The following KDM2B variants were observed in gnomAD, a reference collection of about 807,000 sequenced individuals.
The protein encoded by KDM2B is lysine-specific demethylase 2B.
A neutral mutation model predicts 150.0 loss-of-function variants in KDM2B; 26 were observed. That is an observed-to-expected ratio of 0.17 (90% CI 0.13 to 0.24). The LOEUF is 0.24. Among genes scored for constraint, KDM2B ranks in the 10% least tolerant of loss-of-function variants. KDM2B has a pLI of 1.00. For synonymous variants in KDM2B, 734 were observed against 729.5 expected (o/e 1.01, Z -0.10); for missense variants, 1,265 against 1,816.9 (o/e 0.70, Z 5.52).
chr12:121,467,130 T>C lies in KDM2B; in HGVS notation c.1735-13786A>G. Reference sequence around the variant, plus strand: ...GTCGGGAGGTCGTGCGGCGGGTCCCTCCCTCAGCCCCACCCCGGGCCGCCG... The same window carrying C: ...GTCGGGAGGTCGTGCGGCGGGTCCCCCCCTCAGCCCCACCCCGGGCCGCCG... On this transcript the variant is annotated intron_variant, in intron 12 of 22. Coordinates refer to ENST00000377071, the MANE Select transcript of KDM2B (RefSeq NM_032590.5). This position sits in a 1 kb window ranked among gnomAD's most constrained non-coding sequence, Gnocchi z 5.1. The C allele has an allele frequency of 2.7e-6, 3 of 1,113,710 alleles. No homozygotes were observed. Among genetic ancestry groups the C allele is most frequent in the Non-Finnish European group, 2.2e-6 (2 of 893,902 alleles). The allele number at this position is 1,113,710 out of a possible 1,614,324, so 69.0% of individuals were successfully genotyped here. A position where few individuals can be genotyped will look rare whatever the true frequency, so the allele number is the denominator to read the frequency against.
chr12:121,545,317 C>T (rs1303203101), intron 6 of KDM2B, among the ~76,000 whole-genome samples: 1 of 151,942 alleles, frequency 6.6e-6, no homozygotes, highest in Non-Finnish European at 1.5e-5. Flanking sequence ...CTCTATTCGC[C>T]ACACAATTCG....
At chr12:121,510,772 A>G (rs1885516183) in intron 10 of KDM2B, among the ~76,000 whole-genome samples, 1 of 151,208 alleles carries the variant, frequency 6.6e-6, no homozygotes, top group Non-Finnish European at 1.5e-5. Context: ...CAACCTGGGC[A>G]ACAGAGCAAG....
At chr12:121,497,264 CT>C (rs1555301188) in intron 11 of KDM2B, among the ~76,000 whole-genome samples, 1 of 152,176 alleles carries the variant, frequency 6.6e-6, no homozygotes, top group African/African-American at 2.4e-5. Flanking sequence ...CACATAATGA[CT>C]AACCTAGAGT....
intron 12 of KDM2B, among the ~76,000 whole-genome samples, chr12:121,462,524 C>T (rs889615070): frequency 5.3e-5 from 8 of 150,664 alleles, no homozygotes; most frequent in African/African-American, 1.7e-4. Context: ...GACGGAGTCT[C>T]GTACTGTTGC....
At chr12:121,441,261 C>A (rs201096641) in intron 19 of KDM2B, 28 bp from the exon 20 acceptor site, 28 of 1,608,184 alleles carry the variant, frequency 1.7e-5, no homozygotes, top group Non-Finnish European at 2.3e-5. Context: ...GGGGACACAT[C>A]GTCAGAGGTG....
chr12:121,534,348 CAAAAAA>C, intron 7 of KDM2B, 143 bp downstream of exon 7: 1 of 484,638 alleles, frequency 2.1e-6, no homozygotes, highest in South Asian at 2.3e-5. Flanking sequence ...GACTCCATCT[CAAAAAA>C]AAAAAAAAAG....
At position 121,509,978 on chromosome 12, in the gene KDM2B, C is replaced by T. The variant is rs1885437305; in HGVS notation, c.1236G>A (p.Glu412=). Residue 412 remains glutamate (E), a synonymous_variant, in exon 11 of 23, where the codon GAG becomes GAA. Transcript: ENST00000377071. ...CCTGAGGCTGCTGATCACAGGCCTC[C>T]TCCTCCATCTCCAGCCAGGAATCCG... ...FSSDSWLEME[E]EACDQQPQEE... 1 of 1,600,700 alleles carries T rather than the reference C, an allele frequency of 6.2e-7. No homozygotes were observed.
rs782062530 is a variant in KDM2B at position 121,430,052 on chromosome 12, G to T, written c.*236C>A. The T allele has an allele frequency of 7.3e-7, 1 of 1,375,744 alleles. No homozygotes were observed. The highest frequency in any genetic ancestry group is 1.0e-6 in the Non-Finnish European group (1 of 962,668). 85.2% of individuals were successfully genotyped at this position (1,375,744 alleles called of 1,614,324 possible). On this transcript the variant is annotated 3_prime_UTR_variant, in exon 23 of 23. Coordinates refer to ENST00000377071, the MANE Select transcript of KDM2B (RefSeq NM_032590.5). This position sits in a 1 kb window ranked among gnomAD's most constrained non-coding sequence, Gnocchi z 4.4. ...ACAGGAATGTCTTCTTGTAAAGGCC[G>T]CCTTAGAAATGGTCCAGAAAGCAGT...
At position 121,453,091 on chromosome 12, in the gene KDM2B, G is replaced by C. The variant is rs1877601640; in HGVS notation, c.1959+29C>G. 6.4e-7 allele frequency: 1 copy of C among 1,570,098 alleles called. No homozygotes were observed. The highest frequency in any genetic ancestry group is 1.3e-5 in the African/African-American group (1 of 74,092). On this transcript the variant is annotated intron_variant, in intron 13 of 22. Coordinates refer to ENST00000377071, the MANE Select transcript of KDM2B (RefSeq NM_032590.5). This position sits in a 1 kb window ranked among gnomAD's most constrained non-coding sequence, Gnocchi z 6.4. Reference sequence around the variant, plus strand: ...GCCGGCACGCAGGGGCCTGAATCGAGCGCAGGGCTGGGCGGGGGCCGCACT... The same window carrying C: ...GCCGGCACGCAGGGGCCTGAATCGACCGCAGGGCTGGGCGGGGGCCGCACT...
At chr12:121,420,529 G>A in the KDM2B span, 2 of 1,595,454 alleles carry the variant, frequency 1.3e-6, no homozygotes, top group Non-Finnish European at 1.7e-6. Context: ...AGAGTGGGGA[G>A]GGTCTGGACT....
the KDM2B span, chr12:121,416,336 T>G: frequency 1.2e-5 from 19 of 1,614,026 alleles, no homozygotes; most frequent in Non-Finnish European, 1.7e-6. Context: ...CAACATAGTT[T>G]GTAAAGCCTG....
intron 11 of KDM2B, among the ~76,000 whole-genome samples, chr12:121,502,706 G>A (rs531781303): frequency 7.1e-6 from 1 of 139,990 alleles, no homozygotes; most frequent in African/African-American, 2.7e-5. Context: ...TGGATTGCTT[G>A]AGCCAAGGAG....
chr12:121,434,273 C>T (rs572783724), intron 22 of KDM2B, among the ~76,000 whole-genome samples: 5 of 151,628 alleles, frequency 3.3e-5, no homozygotes, highest in African/African-American at 9.7e-5. Flanking sequence ...TGGTGACTCA[C>T]GCCTATAATC....
At chr12:121,535,061 A>G (rs552761342) in intron 6 of KDM2B, among the ~76,000 whole-genome samples, 2 of 152,224 alleles carry the variant, frequency 1.3e-5, no homozygotes, top group East Asian at 3.9e-4. Flanking sequence ...GCCAATTACC[A>G]GTCCCCATTC....
At chr12:121,544,283 G>A (rs1199889068) in intron 6 of KDM2B, among the ~76,000 whole-genome samples, 2 of 151,934 alleles carry the variant, frequency 1.3e-5, no homozygotes, top group African/African-American at 4.8e-5. Flanking sequence ...AACAAAGCAA[G>A]ACTCTGTCTC....
intron 22 of KDM2B, among the ~76,000 whole-genome samples, chr12:121,431,830 G>C (rs1873074093): frequency 6.6e-6 from 1 of 151,762 alleles, no homozygotes; most frequent in Non-Finnish European, 1.5e-5. Context: ...GGGAAAACGA[G>C]AGATGCTTCA....
chr12:121,487,009 G>A (rs1555299032), intron 12 of KDM2B, among the ~76,000 whole-genome samples: 2 of 150,912 alleles, frequency 1.3e-5, no homozygotes, highest in Non-Finnish European at 3.0e-5. Flanking sequence ...GTGTGGCGGC[G>A]CATGCCTGTG....
intron 22 of KDM2B, among the ~76,000 whole-genome samples, chr12:121,435,298 T>C (rs1183333940): frequency 1.3e-5 from 2 of 152,234 alleles, no homozygotes; most frequent in Non-Finnish European, 2.9e-5. Flanking sequence ...ATTATTTTAC[T>C]ACAACATAAT....
At chr12:121,566,878 G>A (rs1555315057) in intron 4 of KDM2B, among the ~76,000 whole-genome samples, 1 of 152,032 alleles carries the variant, frequency 6.6e-6, no homozygotes, top group African/African-American at 2.4e-5. Flanking sequence ...CCACAAAGTG[G>A]GAGTTTTTTT....
Sources: gnomAD v4.1 joint callset for allele counts (sites outside exome capture counted in the v4.1 genomes callset) on GRCh38, gnomAD v4.1.1 for gene constraint, Gnocchi (gnomAD v3.1) non-coding constraint, MANE v1.5 for transcripts, NCBI Gene and HGNC (gene_info 2026-07-23, HGNC 2026-07-21) for gene names.